Variants in GLIS3 observed in about 807,000 individuals in gnomAD.
The protein encoded by GLIS3 is zinc finger protein GLIS3.
In GLIS3, 53 loss-of-function variants were observed where a neutral mutation model predicts 78.6. The observed-to-expected ratio is 0.67, with a 90% confidence interval of 0.54 to 0.85. The LOEUF is 0.85. GLIS3 is among the 40% of genes least tolerant of loss of function. The pLI, the probability that GLIS3 is intolerant of heterozygous loss-of-function variation, is 0.00. For synonymous variants in GLIS3, 684 were observed against 509.9 expected (o/e 1.34, Z -4.60); for missense variants, 1,703 against 1,231.1 (o/e 1.38, Z -5.74).
the GLIS3 span, among the ~76,000 whole-genome samples, chr9:4,453,647 A>G: frequency 6.6e-6 from 1 of 152,224 alleles, no homozygotes; most frequent in Non-Finnish European, 1.5e-5. Context: ...GCACATATAC[A>G]TCATGGAATA....
At chr9:4,213,046 G>GA (rs1820513293) in intron 2 of GLIS3, among the ~76,000 whole-genome samples, 1 of 152,064 alleles carries the variant, frequency 6.6e-6, no homozygotes, top group South Asian at 2.1e-4. Context: ...AGCTGCCATG[G>GA]AAAAAAACTA....
chr9:4,234,724 C>G (rs534910871), intron 2 of GLIS3, among the ~76,000 whole-genome samples: 1 of 152,282 alleles, frequency 6.6e-6, no homozygotes, highest in South Asian at 2.1e-4. Flanking sequence ...GTCAAAAACA[C>G]AGTATCTGCA....
At chr9:4,023,168 A>C (rs952706809) in intron 4 of GLIS3, among the ~76,000 whole-genome samples, 3 of 152,142 alleles carry the variant, frequency 2.0e-5, no homozygotes, top group Admixed American at 6.6e-5. Context: ...TATACTTAAA[A>C]ATTTTTTTAA....
intron 9 of GLIS3, among the ~76,000 whole-genome samples, chr9:3,841,789 C>G (rs549116917): frequency 6.6e-6 from 1 of 152,288 alleles, no homozygotes; most frequent in African/African-American, 2.4e-5. Context: ...AAATAATAAA[C>G]ACGAAAGTAT....
chr9:3,891,706 G>A (rs1822465537), intron 7 of GLIS3, among the ~76,000 whole-genome samples: 1 of 152,088 alleles, frequency 6.6e-6, no homozygotes, highest in Non-Finnish European at 1.5e-5. Flanking sequence ...TGTCTCAAAA[G>A]AAAAGACACA....
At chr9:4,151,293 T>C (rs1237699696) in intron 2 of GLIS3, among the ~76,000 whole-genome samples, 2 of 152,154 alleles carry the variant, frequency 1.3e-5, no homozygotes, top group Non-Finnish European at 2.9e-5. Flanking sequence ...AGAAATCAGA[T>C]TGTTACATTT....
At chr9:3,979,632 A>T (rs1277461603) in intron 4 of GLIS3, among the ~76,000 whole-genome samples, 1 of 152,090 alleles carries the variant, frequency 6.6e-6, no homozygotes, top group Non-Finnish European at 1.5e-5. Flanking sequence ...CTGTGTCCCC[A>T]TGACACTCCA....
At chr9:4,248,190 C>T (rs1280845276) in intron 2 of GLIS3, among the ~76,000 whole-genome samples, 4 of 152,146 alleles carry the variant, frequency 2.6e-5, no homozygotes, top group Non-Finnish European at 5.9e-5. Context: ...CTGCACCCGT[C>T]AACCTGTCAT....
At chr9:4,136,997 C>A (rs533390980) in intron 2 of GLIS3, among the ~76,000 whole-genome samples, 47 of 152,204 alleles carry the variant, frequency 3.1e-4, no homozygotes, top group South Asian at 2.1e-4. Flanking sequence ...TGGCGCATCC[C>A]ATTAGGAGCA....
intron 2 of GLIS3, chr9:4,144,720 A>G (rs34069441): frequency 0.23 from 35,594 of 152,194 alleles, 4,343 homozygotes; most frequent in Admixed American, 0.27. Flanking sequence ...ATAAATGGTT[A>G]GAATTCAATA....
intron 6 of GLIS3, chr9:3,899,056 G>A (rs1823088810): frequency 6.7e-6 from 4 of 597,972 alleles, no homozygotes; most frequent in African/African-American, 1.9e-5. Context: ...GGCTAGAGGC[G>A]GATTTGACTT....
At chr9:3,986,954 G>C (rs892241477) in intron 4 of GLIS3, among the ~76,000 whole-genome samples, 1 of 152,050 alleles carries the variant, frequency 6.6e-6, no homozygotes, top group African/African-American at 2.4e-5. Flanking sequence ...ATCACAACTT[G>C]AGTAAAAAAA....
At chr9:3,972,215 C>A (rs1818432861) in intron 4 of GLIS3, among the ~76,000 whole-genome samples, 1 of 152,126 alleles carries the variant, frequency 6.6e-6, no homozygotes, top group Non-Finnish European at 1.5e-5. Context: ...AGATATAGGT[C>A]CTCTTATCCC....
chr9:3,966,205 A>G (rs142053023), intron 4 of GLIS3, among the ~76,000 whole-genome samples: 2,154 of 152,322 alleles, frequency 0.014, 32 homozygotes, highest in Non-Finnish European at 0.018. Context: ...TGCTCACTAT[A>G]TAACTGTTGA....
chr9:4,334,711 C>A (rs901126079), intron 2 of GLIS3, among the ~76,000 whole-genome samples: 6 of 152,118 alleles, frequency 3.9e-5, no homozygotes, highest in African/African-American at 1.4e-4. Context: ...CACACTACTG[C>A]CCTTATGAGT....
At chr9:4,160,814 T>A (rs969366802) in intron 2 of GLIS3, among the ~76,000 whole-genome samples, 1 of 152,178 alleles carries the variant, frequency 6.6e-6, no homozygotes, top group Non-Finnish European at 1.5e-5. Context: ...GTAGATGACT[T>A]CAAAAGAATA....
intron 2 of GLIS3, among the ~76,000 whole-genome samples, chr9:4,213,668 T>C (rs1004665439): frequency 2.0e-5 from 3 of 152,234 alleles, no homozygotes; most frequent in African/African-American, 4.8e-5. Context: ...GTTGTGTATC[T>C]TGTTCACTGC....
chr9:3,824,894 C>CTT lies in GLIS3; in HGVS notation c.*3376_*3377dup, dbSNP rs202118987. 2.5e-5 allele frequency: 3 copies of CTT among 120,246 alleles called. No individual in the cohort carries two copies. The highest frequency in any genetic ancestry group is 3.2e-5 in the African/African-American group (1 of 31,180). The allele number at this position is 120,246 out of a possible 1,614,324, so 7.4% of individuals were successfully genotyped here. A position where few individuals can be genotyped will look rare whatever the true frequency, so the allele number is the denominator to read the frequency against. On this transcript the variant is annotated 3_prime_UTR_variant, in exon 11 of 11. Transcript: ENST00000381971. ...ACACTCACTATTTCTCCAATGAGTG[C>CTT]TTTTTTTTTTTTGCTTCATCTGTTG...
intron 2 of GLIS3, among the ~76,000 whole-genome samples, chr9:4,139,619 G>T (rs933489417): frequency 1.3e-5 from 2 of 152,018 alleles, no homozygotes; most frequent in African/African-American, 4.8e-5. Flanking sequence ...AACCTTTTTG[G>T]CCCCAGGGAC....
Sources: gnomAD v4.1 joint callset for allele counts (sites outside exome capture counted in the v4.1 genomes callset) on GRCh38, gnomAD v4.1.1 for gene constraint, MANE v1.5 for transcripts, NCBI Gene and HGNC (gene_info 2026-07-23, HGNC 2026-07-21) for gene names.